TMEM132D: variants seen among roughly 807,000 people sequenced by gnomAD.
TMEM132D encodes mature OL transmembrane protein.
Under a neutral mutation model 62.3 loss-of-function variants are expected in TMEM132D, and 21 were observed. That is an observed-to-expected ratio of 0.34 (90% CI 0.24 to 0.49). The LOEUF is 0.49. Ranked by LOEUF, TMEM132D falls within the 20% of genes least tolerant of loss-of-function variation. The probability of loss-of-function intolerance (pLI) is 0.99; values close to 1 mark genes in which losing one functional copy is unlikely to be tolerated. For missense variants in TMEM132D, 1,346 were observed against 1,402.8 expected, an observed-to-expected ratio of 0.96 and a Z score of 0.65; for synonymous variants, 621 against 575.6, an observed-to-expected ratio of 1.08 and a Z score of -1.13.
intron 3 of TMEM132D, among the ~76,000 whole-genome samples, chr12:129,348,213 C>T (rs979927369): frequency 1.3e-5 from 2 of 152,052 alleles, no homozygotes; most frequent in African/African-American, 2.4e-5. Flanking sequence ...GGGTATATAC[C>T]CAAGGGATTA....
chr12:129,335,228 T>C (rs148284768), intron 4 of TMEM132D, among the ~76,000 whole-genome samples: 2,556 of 149,350 alleles, frequency 0.017, 67 homozygotes, highest in African/African-American at 0.06. Flanking sequence ...GCCTCCCAAG[T>C]TCAAACTATT....
intron 1 of TMEM132D, among the ~76,000 whole-genome samples, chr12:129,897,801 G>A (rs1394751543): frequency 1.3e-5 from 2 of 152,152 alleles, no homozygotes; most frequent in Non-Finnish European, 2.9e-5. Context: ...ACCAGGCTCT[G>A]AGCTAAAAAC....
chr12:129,691,327 A>G (rs1881055782), intron 2 of TMEM132D, among the ~76,000 whole-genome samples: 1 of 151,948 alleles, frequency 6.6e-6, no homozygotes, highest in Admixed American at 6.6e-5. Context: ...GAAATTATAC[A>G]AATTAGAGAA....
chr12:129,879,608 G>A (rs1016569929), intron 1 of TMEM132D, among the ~76,000 whole-genome samples: 4 of 152,158 alleles, frequency 2.6e-5, no homozygotes, highest in African/African-American at 9.6e-5. Context: ...GGTGGAAAAG[G>A]TGGACAACTC....
intron 4 of TMEM132D, among the ~76,000 whole-genome samples, chr12:129,329,354 T>C (rs954317666): frequency 1.4e-4 from 21 of 152,136 alleles, no homozygotes; most frequent in African/African-American, 5.1e-4. Context: ...ATGAAAGCCA[T>C]AGTGTGCTGT....
chr12:129,762,980 G>A (rs538045628), intron 1 of TMEM132D, among the ~76,000 whole-genome samples: 4 of 152,172 alleles, frequency 2.6e-5, no homozygotes, highest in East Asian at 1.9e-4. Flanking sequence ...CTAGCTCAGC[G>A]CTCCACGGCA....
rs542826978 is a variant in TMEM132D, at chr12:129,636,698, ATG to A, written c.968+63110_968+63111del. On this transcript the variant is annotated intron_variant, in intron 2 of 8. Transcript: ENST00000422113. ...AATGACCAAGTAAATTCATACAGAA[ATG>A]TGTGTGTGTGTGTGTGTGTGTGTGT... Among the ~76,000 whole-genome samples the A allele has an allele frequency of 7.8e-3, 836 of 107,824 alleles. 10 individuals are homozygous for A. Among genetic ancestry groups the A allele is most frequent in the South Asian group, 0.057 (139 of 2,436 alleles). The allele number at this position is 107,824 out of a possible 152,430, so 70.7% of individuals were successfully genotyped here.
chr12:129,454,297 A>G (rs4759573), intron 3 of TMEM132D, among the ~76,000 whole-genome samples: 149,156 of 152,280 alleles, frequency 0.98, 73,129 homozygotes, highest in East Asian at 1. Flanking sequence ...CACTCCTCTC[A>G]GTATCAAAGT....
At position 129,074,327 on chromosome 12, in the gene TMEM132D, C is replaced by A. The variant is rs753245505; in HGVS notation, c.2848G>T (p.Val950Phe). 6.2e-7 allele frequency: 1 copy of A among 1,614,072 alleles called. No individual in the cohort carries two copies. Among genetic ancestry groups the A allele is most frequent in the Non-Finnish European group, 8.5e-7 (1 of 1,180,030 alleles). ...ATCCCTTCCTGCTCCTCGAAGGGAACCTGTTTGTGTCTGTATTTTAATGCA... is the reference window on the plus strand; with the variant it reads ...ATCCCTTCCTGCTCCTCGAAGGGAAACTGTTTGTGTCTGTATTTTAATGCA... Reference protein sequence around the residue: ...TFALKYRHKQVPFEEQEGMSH... With the variant: ...TFALKYRHKQFPFEEQEGMSH... Residue 950 changes from valine (V) to phenylalanine (F), a missense_variant, in exon 9 of 9, where the codon GTT becomes TTT. Coordinates refer to ENST00000422113, the MANE Select transcript of TMEM132D (RefSeq NM_133448.3).
At chr12:129,130,512 A>G (rs1259857944) in intron 5 of TMEM132D, among the ~76,000 whole-genome samples, 2 of 152,082 alleles carry the variant, frequency 1.3e-5, no homozygotes, top group Non-Finnish European at 2.9e-5. Context: ...GCCTGAGAGG[A>G]CCCACCTGCC....
chr12:129,181,841 T>C (rs1878075211), intron 5 of TMEM132D, among the ~76,000 whole-genome samples: 1 of 152,234 alleles, frequency 6.6e-6, no homozygotes, highest in Non-Finnish European at 1.5e-5. Context: ...ATCCTTTATT[T>C]GTCCATTTTC....
rs147137235 is a variant in TMEM132D at position 129,298,710 on chromosome 12, C to T, written c.1299+38924G>A. Among the ~76,000 whole-genome samples, 386 of 152,324 alleles carry T rather than the reference C, an allele frequency of 2.5e-3. 1 individual carries two copies. Among genetic ancestry groups the T allele is most frequent in the Non-Finnish European group, 3.7e-3 (253 of 68,030 alleles). ...CTTTTTATCTTAATTTTAGATTTCA[C>T]ATATGAGTGAAATCCTGCGGTATTT... On this transcript the variant is annotated intron_variant, in intron 4 of 8. Coordinates refer to ENST00000422113, the MANE Select transcript of TMEM132D (RefSeq NM_133448.3).
At chr12:129,181,787 T>G (rs1878072816) in intron 5 of TMEM132D, among the ~76,000 whole-genome samples, 1 of 152,238 alleles carries the variant, frequency 6.6e-6, no homozygotes, top group Non-Finnish European at 1.5e-5. Context: ...CTCTGTGATA[T>G]TTTTCTTGAT....
At chr12:129,315,372 G>A (rs1267520304) in intron 4 of TMEM132D, among the ~76,000 whole-genome samples, 1 of 151,938 alleles carries the variant, frequency 6.6e-6, no homozygotes, top group East Asian at 1.9e-4. Flanking sequence ...GAATTGTGTT[G>A]AATACTTTTT....
intron 4 of TMEM132D, among the ~76,000 whole-genome samples, chr12:129,296,268 T>C (rs184263343): frequency 8.5e-5 from 13 of 152,292 alleles, no homozygotes; most frequent in Non-Finnish European, 1.5e-4. Flanking sequence ...TGATTTTGAG[T>C]ACGTTATCTC....
chr12:129,181,636 G>C (rs1878067119), intron 5 of TMEM132D, among the ~76,000 whole-genome samples: 1 of 152,086 alleles, frequency 6.6e-6, no homozygotes. Flanking sequence ...CCCCACCCCA[G>C]CTCGAGACAA....
chr12:129,540,336 T>C (rs909042246), intron 2 of TMEM132D, among the ~76,000 whole-genome samples: 6 of 152,120 alleles, frequency 3.9e-5, no homozygotes, highest in African/African-American at 1.2e-4. Flanking sequence ...CACCAGCTGT[T>C]AGAGGCTCTG....
chr12:129,825,096 C>T (rs534215802), intron 1 of TMEM132D, among the ~76,000 whole-genome samples: 1 of 151,730 alleles, frequency 6.6e-6, no homozygotes, highest in African/African-American at 2.4e-5. Flanking sequence ...TCACTGCAAC[C>T]TCCACCTCCC....
chr12:129,207,303 GAA>G (rs1878882746), intron 5 of TMEM132D, among the ~76,000 whole-genome samples: 2 of 151,644 alleles, frequency 1.3e-5, no homozygotes, highest in African/African-American at 4.9e-5. Context: ...GTCAGACGAT[GAA>G]TACAGCACCG....
Sources: allele counts gnomAD v4.1 joint callset (sites outside exome capture counted in the v4.1 genomes callset), GRCh38; gene constraint gnomAD v4.1.1; transcripts MANE v1.5; gene names NCBI Gene and HGNC (gene_info 2026-07-23, HGNC 2026-07-21).